Variants in ALDH6A1 observed in about 807,000 individuals in gnomAD.
The protein encoded by ALDH6A1 is methylmalonate-semialdehyde/malonate-semialdehyde dehydrogenase [acylating], mitochondrial.
In ALDH6A1, 43 loss-of-function variants were observed where a neutral mutation model predicts 62.6. That is an observed-to-expected ratio of 0.69 (90% confidence interval 0.54 to 0.89). The LOEUF (loss-of-function observed/expected upper bound fraction) is 0.89, where lower values mean the gene tolerates loss of function less well. ALDH6A1 is among the 40% of genes least tolerant of loss of function. The pLI, the probability that ALDH6A1 is intolerant of heterozygous loss-of-function variation, is 0.00. For missense variants in ALDH6A1, 551 were observed against 661.3 expected (o/e 0.83, Z 1.83); for synonymous variants, 194 against 234.2 (o/e 0.83, Z 1.57).
At chr14:74,062,457 C>T (rs1333363949) in intron 11 of ALDH6A1, among the ~76,000 whole-genome samples, 3 of 151,916 alleles carry the variant, frequency 2.0e-5, no homozygotes, top group East Asian at 1.9e-4. Context: ...CAAAAATTGG[C>T]GGGTGTGGTG....
In ALDH6A1 at chr14:74,061,785, A is replaced by C. The variant is rs183677617; in HGVS notation, c.1504-1039T>G. Among the ~76,000 whole-genome samples, 46 of 152,284 alleles carry C rather than the reference A, an allele frequency of 3.0e-4. No homozygotes were observed. The East Asian group carries it at 4.4e-3, about 15-fold the overall frequency. ...AAATTCAGCATATTTAACTCTCTCTATATATAGATATAGTTTATAAGAGTA... is the reference window on the plus strand; with the variant it reads ...AAATTCAGCATATTTAACTCTCTCTCTATATAGATATAGTTTATAAGAGTA... On this transcript the variant is annotated intron_variant, in intron 11 of 11. Transcript: ENST00000553458.
At position 74,078,663 on chromosome 14, in the gene ALDH6A1, G is replaced by A. The variant is rs185948042; in HGVS notation, c.49-3646C>T. On this transcript the variant is annotated intron_variant, in intron 1 of 11. Transcript: ENST00000553458. The stretch of plus-strand genomic sequence containing the variant: ...CTGCCTCAGCTTTCTGAGTAGCTGG[G>A]ATTACAGGCATGTGCCACCACATCC... Among the ~76,000 whole-genome samples, 288 of 152,182 alleles carry A rather than the reference G, an allele frequency of 1.9e-3. 2 individuals carry two copies. Among genetic ancestry groups the A allele is most frequent in the Middle Eastern group, 3.4e-3 (1 of 294 alleles).
At chr14:74,060,963 A>C (rs2060326090) in intron 11 of ALDH6A1, among the ~76,000 whole-genome samples, 2 of 152,002 alleles carry the variant, frequency 1.3e-5, no homozygotes, top group East Asian at 3.8e-4. Flanking sequence ...CATCATTATT[A>C]TGCTGAAACT....
At position 74,084,384 on chromosome 14, in the gene ALDH6A1, A is replaced by G; in HGVS notation, c.11T>C (p.Leu4Pro). 6.2e-7 allele frequency: 1 copy of G among 1,613,512 alleles called. No homozygotes were observed. Among genetic ancestry groups the G allele is most frequent in the Non-Finnish European group, 8.5e-7 (1 of 1,179,920 alleles). The change falls in exon 1 of 12, where the codon CTA becomes CCA. Residue 4 changes from leucine (L) to proline (P), a missense_variant. Transcript: ENST00000553458. MAA[L>P]LAAAAVRARI... Reference sequence around the variant, plus strand: ...GGCTCGCACTGCCGCCGCCGCCAATAGCGCCGCCATGGCTCTCGGCCGCCC... The same window carrying G: ...GGCTCGCACTGCCGCCGCCGCCAATGGCGCCGCCATGGCTCTCGGCCGCCC...
chr14:74,072,341 C>A lies in ALDH6A1; in HGVS notation c.210G>T (p.Arg70=). ...HNPATNEVIG[R]VPQATKAEMD... is the part of the protein sequence containing the mutation. ...TTTCTGCCTTGGTGGCCTGAGGGACCCGACCAATGACCTCATTGGTGGCCT... is the reference window on the plus strand; with the variant it reads ...TTTCTGCCTTGGTGGCCTGAGGGACACGACCAATGACCTCATTGGTGGCCT... Residue 70 remains arginine, a synonymous_variant, in exon 4 of 12, where the codon CGG becomes CGT. Coordinates refer to ENST00000553458, the MANE Select transcript of ALDH6A1 (RefSeq NM_005589.4). The A allele has an allele frequency of 1.2e-6, 2 of 1,614,120 alleles. No homozygotes were observed. Among genetic ancestry groups the A allele is most frequent in the Non-Finnish European group, 1.7e-6 (2 of 1,180,008 alleles).
intron 2 of ALDH6A1, 38 bp from the exon 3 acceptor site, chr14:74,072,649 A>T (rs1566834152): frequency 6.2e-7 from 1 of 1,601,812 alleles, no homozygotes; most frequent in Admixed American, 1.7e-5. Context: ...AAACAAAAAC[A>T]TGAAACTTTG....
chr14:74,070,306 G>A (rs1386675065), intron 6 of ALDH6A1, among the ~76,000 whole-genome samples: 1 of 152,034 alleles, frequency 6.6e-6, no homozygotes, highest in Non-Finnish European at 1.5e-5. Context: ...ATCACCTGAG[G>A]TCAGGAGTTT....
At chr14:74,068,123 G>T (rs1595120156) in intron 7 of ALDH6A1, among the ~76,000 whole-genome samples, 1 of 152,100 alleles carries the variant, frequency 6.6e-6, no homozygotes, top group East Asian at 1.9e-4. Context: ...GGTGGCTCAT[G>T]CCTGTAATCC....
rs78559242 is a variant in ALDH6A1 at position 74,078,170 on chromosome 14, A to G, written c.49-3153T>C. The G allele has an allele frequency of 6.9e-3, 3,136 of 455,374 alleles. 86 individuals carry two copies. The highest frequency in any genetic ancestry group is 0.057 in the African/African-American group (2,839 of 50,092). 28.2% of individuals were successfully genotyped at this position (455,374 alleles called of 1,614,324 possible). On this transcript the variant is annotated intron_variant, in intron 1 of 11. Transcript: ENST00000553458. Reference sequence around the variant, plus strand: ...TACTAATTCCTCTTGTACTTTCAGGAGCTGACTTTGTTTTTCTTACTTCAG... The same window carrying G: ...TACTAATTCCTCTTGTACTTTCAGGGGCTGACTTTGTTTTTCTTACTTCAG...
rs1595129937 is a variant in ALDH6A1, at chr14:74,074,888, G to C, written c.111+67C>G. 5.4e-6 allele frequency: 8 copies of C among 1,494,314 alleles called. No homozygotes were observed. The East Asian group carries it at 1.8e-4, about 34-fold the overall frequency. The allele number at this position is 1,494,314 out of a possible 1,614,324, so 92.6% of individuals were successfully genotyped here. On this transcript the variant is annotated intron_variant, in intron 2 of 11. Coordinates refer to ENST00000553458, the MANE Select transcript of ALDH6A1 (RefSeq NM_005589.4). The stretch of plus-strand genomic sequence containing the variant: ...ACTCTGATGACAATTATGTAAAGAA[G>C]ATAGAGATACCCAAAACTATACTGA...
In ALDH6A1 at chr14:74,059,362, C is replaced by G. The variant is rs1350676889; in HGVS notation, c.*1280G>C. On this transcript the variant is annotated 3_prime_UTR_variant, in exon 12 of 12. Transcript: ENST00000553458. Reference sequence around the variant, plus strand: ...TCATGGTTGGAACAATCCTTGATTTCTGGGCCTAAAATAACTTTTGAAATA... The same window carrying G: ...TCATGGTTGGAACAATCCTTGATTTGTGGGCCTAAAATAACTTTTGAAATA... 1 of 456,202 alleles carries G rather than the reference C, an allele frequency of 2.2e-6. No homozygotes were observed. Among genetic ancestry groups the G allele is most frequent in the Non-Finnish European group, 4.4e-6 (1 of 226,826 alleles). The allele number at this position is 456,202 out of a possible 1,614,324, so 28.3% of individuals were successfully genotyped here.
intron 1 of ALDH6A1, among the ~76,000 whole-genome samples, chr14:74,080,763 C>T (rs1047685647): frequency 6.6e-6 from 1 of 152,190 alleles, no homozygotes; most frequent in African/African-American, 2.4e-5. Context: ...CTTTCTGAAT[C>T]TAGTTTCCAT....
At chr14:74,076,713 A>AT (rs979275694) in intron 1 of ALDH6A1, among the ~76,000 whole-genome samples, 44 of 151,224 alleles carry the variant, frequency 2.9e-4, no homozygotes, top group East Asian at 1.4e-3. Flanking sequence ...ATTTTATTTT[A>AT]TTTTTTTTGT....
At chr14:74,062,064 A>G (rs1382039404) in intron 11 of ALDH6A1, among the ~76,000 whole-genome samples, 3 of 137,582 alleles carry the variant, frequency 2.2e-5, no homozygotes, top group Admixed American at 7.1e-5. Flanking sequence ...AAAAAAAAAA[A>G]AAAAAAAAAA....
At chr14:74,082,295 A>G (rs1176780836) in intron 1 of ALDH6A1, among the ~76,000 whole-genome samples, 1 of 152,166 alleles carries the variant, frequency 6.6e-6, no homozygotes, top group Non-Finnish European at 1.5e-5. Flanking sequence ...CGTGGCAGAG[A>G]AAAATAAGCT....
chr14:74,062,431 G>A (rs1446523057), intron 11 of ALDH6A1, among the ~76,000 whole-genome samples: 1 of 151,986 alleles, frequency 6.6e-6, no homozygotes, highest in East Asian at 1.9e-4. Flanking sequence ...GCGAAACCCC[G>A]TCTCTACTAC....
intron 1 of ALDH6A1, chr14:74,082,846 A>G (rs1295584544): frequency 6.6e-6 from 1 of 152,218 alleles, no homozygotes; most frequent in Non-Finnish European, 1.5e-5. Context: ...TTTCTGAAAT[A>G]AAAGTACATG....
rs1026119048 is a variant in ALDH6A1 at position 74,059,899 on chromosome 14, A to G, written c.*743T>C. On this transcript the variant is annotated 3_prime_UTR_variant, in exon 12 of 12. Coordinates refer to ENST00000553458, the MANE Select transcript of ALDH6A1 (RefSeq NM_005589.4). Reference sequence around the variant, plus strand: ...GAATTAATAGTGGTCATGAATTACTAGGAAACAAAGTGGCATTGAGCAGAA... The same window carrying G: ...GAATTAATAGTGGTCATGAATTACTGGGAAACAAAGTGGCATTGAGCAGAA... The G allele has an allele frequency of 1.3e-5, 2 of 153,404 alleles. No homozygotes were observed. Among genetic ancestry groups the G allele is most frequent in the African/African-American group, 2.4e-5 (1 of 41,470 alleles). The allele number at this position is 153,404 out of a possible 1,614,324, so 9.5% of individuals were successfully genotyped here.
rs1441761029 is a variant in ALDH6A1 at position 74,056,972 on chromosome 14, G to A, written c.*3670C>T. On this transcript the variant is annotated 3_prime_UTR_variant, in exon 12 of 12. Transcript: ENST00000553458. ...TTGTTTCTGACAGTGGGGAAACAAA[G>A]GAATTTGGGTAAGAGCTCTCTTGCT... 3 of 1,613,464 alleles carry A rather than the reference G, an allele frequency of 1.9e-6. No homozygotes were observed. Among genetic ancestry groups the A allele is most frequent in the Non-Finnish European group, 2.5e-6 (3 of 1,179,636 alleles).
Sources: allele counts gnomAD v4.1 joint callset (sites outside exome capture counted in the v4.1 genomes callset), GRCh38; gene constraint gnomAD v4.1.1; transcripts MANE v1.5; gene names NCBI Gene and HGNC (gene_info 2026-07-23, HGNC 2026-07-21).